PNPLA8: variants seen among roughly 807,000 people sequenced by gnomAD.
The protein encoded by PNPLA8 is patatin like domain 8, phospholipase A2, also known as calcium-independent phospholipase A2-gamma.
PNPLA8 carries 39 observed loss-of-function variants against 76.9 expected under a neutral mutation model. The ratio of observed to expected loss-of-function variants is 0.51; its 90% CI spans 0.39 to 0.66. The LOEUF is 0.66. Among genes scored for constraint, PNPLA8 ranks in the 30% least tolerant of loss-of-function variants. The pLI, the probability that PNPLA8 is intolerant of heterozygous loss-of-function variation, is 0.00. For synonymous variants in PNPLA8, 301 were observed against 307.9 expected (o/e 0.98, Z 0.24); for missense variants, 887 against 918.0 (o/e 0.97, Z 0.44).
At position 108,515,408 on chromosome 7, in the gene PNPLA8, T is replaced by A; in HGVS notation, c.84A>T (p.Gln28His). 2 of 1,611,548 alleles carry A rather than the reference T, an allele frequency of 1.2e-6. No individual in the cohort carries two copies. Among genetic ancestry groups the A allele is most frequent in the Non-Finnish European group, 1.7e-6 (2 of 1,178,886 alleles). The change falls in exon 3 of 11, where the codon CAA becomes CAT. Residue 28 changes from glutamine (Q) to histidine (H), a missense_variant. Transcript: ENST00000257694. ...GCTTAGGTGAGAACAAGAAATACAG[T>A]TGCTTGCTTCTCTGCTTCCCACAAA... Reference protein sequence around the residue: ...RSVCGKQRSKQLYFLFSPKHY... With the variant: ...RSVCGKQRSKHLYFLFSPKHY...
chr7:108,506,746 A>G (rs1294005949), intron 4 of PNPLA8, among the ~76,000 whole-genome samples: 2 of 152,148 alleles, frequency 1.3e-5, no homozygotes, highest in African/African-American at 4.8e-5. Flanking sequence ...CACATGCTGT[A>G]TAATTCATAG....
intron 7 of PNPLA8, among the ~76,000 whole-genome samples, chr7:108,494,441 C>T (rs1018745699): frequency 3.7e-4 from 56 of 152,296 alleles, no homozygotes; most frequent in Non-Finnish European, 1.2e-4. Flanking sequence ...TTAGCTCTCA[C>T]TTATAAGTAA....
At chr7:108,474,808 C>T (rs1173061538) in intron 10 of PNPLA8, among the ~76,000 whole-genome samples, 2 of 152,224 alleles carry the variant, frequency 1.3e-5, no homozygotes, top group African/African-American at 4.8e-5. Context: ...TTTATTCAAA[C>T]ACCACAGTTC....
chr7:108,505,877 A>G lies in PNPLA8; in HGVS notation c.1207-3235T>C, dbSNP rs547308266. Among the ~76,000 whole-genome samples, 8 of 152,328 alleles carry G rather than the reference A, an allele frequency of 5.3e-5. No individual in the cohort carries two copies. The South Asian group carries it at 1.7e-3, about 32-fold the overall frequency. On this transcript the variant is annotated intron_variant, in intron 4 of 10. Transcript: ENST00000257694. ...GACAAGTGAGTTACAACCGTAATAT[A>G]TTTTTAAAATTCTACAAATAATGAA...
intron 4 of PNPLA8, chr7:108,510,746 G>A (rs1862857361): frequency 1.1e-5 from 17 of 1,601,336 alleles, no homozygotes; most frequent in Admixed American, 5.0e-5. Context: ...GACAGATAAC[G>A]CTTTGATTGC....
At chr7:108,510,667 T>A in intron 4 of PNPLA8, 1 of 1,596,408 alleles carries the variant, frequency 6.3e-7, no homozygotes, top group Non-Finnish European at 8.5e-7. Flanking sequence ...GGTACCCCAA[T>A]CTGAAGTCAG....
At chr7:108,485,364 T>G (rs1474522442) in intron 9 of PNPLA8, among the ~76,000 whole-genome samples, 1 of 152,162 alleles carries the variant, frequency 6.6e-6, no homozygotes, top group Non-Finnish European at 1.5e-5. Flanking sequence ...AATAATCTTC[T>G]TCTTATAGTC....
At chr7:108,507,243 T>C (rs573490117) in intron 4 of PNPLA8, among the ~76,000 whole-genome samples, 1 of 145,064 alleles carries the variant, frequency 6.9e-6, no homozygotes, top group South Asian at 2.2e-4. Flanking sequence ...CTCGGGAGGC[T>C]GAGGCAGGAG....
At chr7:108,502,017 G>A (rs1187351176) in intron 5 of PNPLA8, among the ~76,000 whole-genome samples, 3 of 151,868 alleles carry the variant, frequency 2.0e-5, no homozygotes, top group African/African-American at 7.3e-5. Context: ...TGAAGTATAT[G>A]TCAGAGTAGC....
chr7:108,485,691 C>T (rs1191253402), intron 9 of PNPLA8, among the ~76,000 whole-genome samples: 1 of 152,096 alleles, frequency 6.6e-6, no homozygotes, highest in African/African-American at 2.4e-5. Flanking sequence ...AGATCATTCA[C>T]ACCTTAAAAT....
chr7:108,505,525 G>GTATTTTTGTATTTTTAGTAGAGA (rs1862356687), intron 4 of PNPLA8, among the ~76,000 whole-genome samples: 1 of 150,678 alleles, frequency 6.6e-6, no homozygotes, highest in Non-Finnish European at 1.5e-5. Context: ...ACCAAGCCCA[G>GTATTTTTGTATTTTTAGTAGAGA]CTAATTTTTG....
chr7:108,471,930 G>A lies in PNPLA8; in HGVS notation c.*471C>T. 6.6e-6 allele frequency: 1 copy of A among 152,226 alleles called. No homozygotes were observed. The highest frequency in any genetic ancestry group is 1.9e-4 in the East Asian group (1 of 5,206). The allele number at this position is 152,226 out of a possible 1,614,324, so 9.4% of individuals were successfully genotyped here. ...AGATGATATTACAATAAAAGGCAGT[G>A]TGGATTGGAGAACATAGCTAGTGAG... On this transcript the variant is annotated 3_prime_UTR_variant, in exon 11 of 11. Transcript: ENST00000257694.
chr7:108,527,226 C>G (rs1441092144), upstream of PNPLA8, among the ~76,000 whole-genome samples: 2 of 152,162 alleles, frequency 1.3e-5, no homozygotes, highest in African/African-American at 2.4e-5. Context: ...GAAGGGGATT[C>G]TTTGACCTGT....
intron 9 of PNPLA8, among the ~76,000 whole-genome samples, chr7:108,486,159 GAATA>G (rs1353615673): frequency 1.3e-5 from 2 of 151,948 alleles, no homozygotes; most frequent in Admixed American, 6.6e-5. Context: ...TTTGGATAAA[GAATA>G]AAGAGCAAAT....
chr7:108,517,622 A>G (rs1189065792), intron 2 of PNPLA8, among the ~76,000 whole-genome samples: 2 of 152,252 alleles, frequency 1.3e-5, no homozygotes, highest in Non-Finnish European at 2.9e-5. Flanking sequence ...TCAAGCCATA[A>G]AAAGACCGTG....
intron 10 of PNPLA8, among the ~76,000 whole-genome samples, chr7:108,478,258 T>C (rs998369379): frequency 1.5e-4 from 23 of 152,114 alleles, no homozygotes; most frequent in Admixed American, 3.3e-4. Context: ...GTACAGCAAC[T>C]GCAGAGGCCC....
At chr7:108,504,190 C>T (rs993110556) in intron 4 of PNPLA8, among the ~76,000 whole-genome samples, 1 of 152,070 alleles carries the variant, frequency 6.6e-6, no homozygotes, top group Non-Finnish European at 1.5e-5. Flanking sequence ...AAATAAACCC[C>T]AGAAAAAGAT....
intron 4 of PNPLA8, among the ~76,000 whole-genome samples, chr7:108,511,993 A>G (rs983473003): frequency 2.0e-5 from 3 of 152,226 alleles, no homozygotes; most frequent in Non-Finnish European, 4.4e-5. Flanking sequence ...CAGGATAAAC[A>G]GATTGTGAGT....
At chr7:108,502,800 T>A in intron 4 of PNPLA8, 158 bp from the exon 5 acceptor site, 1 of 440,752 alleles carries the variant, frequency 2.3e-6, no homozygotes. Flanking sequence ...GTTTTTGATA[T>A]ATTAATGTCA....
Sources: allele counts gnomAD v4.1 joint callset (sites outside exome capture counted in the v4.1 genomes callset), GRCh38; gene constraint gnomAD v4.1.1; transcripts MANE v1.5; gene names NCBI Gene and HGNC (gene_info 2026-07-23, HGNC 2026-07-21).